The following DIS3L2 variants were observed in gnomAD, a reference collection of about 807,000 sequenced individuals.
DIS3L2 encodes the protein DIS3 like 3'-5' exoribonuclease 2, also known as DIS3-like exonuclease 2.
In DIS3L2, 34 loss-of-function variants were observed where a neutral mutation model predicts 97.5. That is an observed-to-expected ratio of 0.35 (90% CI 0.27 to 0.46). The LOEUF (loss-of-function observed/expected upper bound fraction) is 0.46. Ranked by LOEUF, DIS3L2 falls within the 20% of genes least tolerant of loss-of-function variation. DIS3L2 has a pLI of 1.00. For missense variants in DIS3L2, 1,038 were observed against 1,146.0 expected (o/e 0.91, Z 1.36); for synonymous variants, 435 against 445.2 (o/e 0.98, Z 0.29).
chr2:232,002,634 A>G (rs143271349), intron 1 of DIS3L2, among the ~76,000 whole-genome samples: 1 of 152,136 alleles, frequency 6.6e-6, no homozygotes, highest in African/African-American at 2.4e-5. Context: ...GGTTTGTTTT[A>G]TGTTGCTTTT....
At chr2:231,962,660 C>T (rs1330120789) in intron 1 of DIS3L2, among the ~76,000 whole-genome samples, 4 of 152,090 alleles carry the variant, frequency 2.6e-5, no homozygotes, top group Admixed American at 6.6e-5. Context: ...TGGTCTCGAT[C>T]TCTTGACCTC....
chr2:232,335,897 G>A (rs778268556), intron 20 of DIS3L2, 23 bp downstream of exon 20: 6 of 1,549,838 alleles, frequency 3.9e-6, no homozygotes, highest in East Asian at 4.9e-5. Context: ...CTGTGTCCCA[G>A]CCCCCTAAGT....
At chr2:232,005,414 T>C (rs967941272) in intron 1 of DIS3L2, among the ~76,000 whole-genome samples, 1 of 152,166 alleles carries the variant, frequency 6.6e-6, no homozygotes, top group Non-Finnish European at 1.5e-5. Flanking sequence ...TTCAGCTCTC[T>C]CCTCTTTTAG....
At chr2:232,007,845 C>T (rs2106211874) in intron 1 of DIS3L2, among the ~76,000 whole-genome samples, 1 of 152,184 alleles carries the variant, frequency 6.6e-6, no homozygotes, top group Middle Eastern at 3.4e-3. Flanking sequence ...GGAATACTGT[C>T]ATAACAGAAT....
chr2:232,311,004 G>T (rs902916662), intron 14 of DIS3L2, among the ~76,000 whole-genome samples: 1 of 152,254 alleles, frequency 6.6e-6, no homozygotes, highest in Non-Finnish European at 1.5e-5. Context: ...ACCAGGGAGG[G>T]ACAGAGTCTG....
At chr2:232,282,392 A>T (rs1041519843) in intron 13 of DIS3L2, among the ~76,000 whole-genome samples, 4 of 152,144 alleles carry the variant, frequency 2.6e-5, no homozygotes, top group Non-Finnish European at 5.9e-5. Flanking sequence ...CTTTCAATAA[A>T]TCATGAAGGA....
Position 231,976,703 on chromosome 2 carries a change from C to G in DIS3L2, c.-94+14938C>G, listed in dbSNP as rs1003947193. On this transcript the variant is annotated intron_variant, in intron 1 of 20. Transcript: ENST00000325385. ...AACATCATAGCTTAGCTTAGCTTAC[C>G]TTAAATGTGTTCAGAACACTTATGT... is the stretch of plus-strand genomic sequence containing the variant. Among the ~76,000 whole-genome samples the G allele has an allele frequency of 2.6e-5, 4 of 151,040 alleles. No homozygotes were observed. In the South Asian group the frequency reaches 8.3e-4, roughly 31 times the overall value.
intron 17 of DIS3L2, 42 bp from the exon 18 acceptor site, chr2:232,334,327 C>T (rs1245126762): frequency 1.9e-6 from 3 of 1,601,090 alleles, no homozygotes; most frequent in South Asian, 2.2e-5. Flanking sequence ...CTCTTCCCAG[C>T]CCCCCAGGCT....
At chr2:232,143,916 A>G (rs532739701) in intron 8 of DIS3L2, among the ~76,000 whole-genome samples, 23 of 152,246 alleles carry the variant, frequency 1.5e-4, no homozygotes, top group Admixed American at 3.9e-4. Context: ...CCATATTTAT[A>G]ACCCTAAATG....
At chr2:232,248,465 C>CAGGT (rs1559174027) in intron 11 of DIS3L2, among the ~76,000 whole-genome samples, 1 of 152,016 alleles carries the variant, frequency 6.6e-6, no homozygotes, top group African/African-American at 2.4e-5. Context: ...TCAGGAGATA[C>CAGGT]AGAGATATTC....
intron 1 of DIS3L2, among the ~76,000 whole-genome samples, chr2:232,007,876 G>A (rs965986963): frequency 6.6e-6 from 1 of 152,200 alleles, no homozygotes; most frequent in East Asian, 1.9e-4. Flanking sequence ...TTTTCTGGAA[G>A]AGTTGTAAAG....
chr2:232,094,881 T>G (rs892520163), intron 6 of DIS3L2, among the ~76,000 whole-genome samples: 1 of 152,168 alleles, frequency 6.6e-6, no homozygotes, highest in Non-Finnish European at 1.5e-5. Flanking sequence ...TCTTGCTGAA[T>G]TGACCCCTTT....
chr2:232,224,659 T>TA (rs1692592706), intron 10 of DIS3L2, among the ~76,000 whole-genome samples: 1 of 151,794 alleles, frequency 6.6e-6, no homozygotes, highest in South Asian at 2.1e-4. Context: ...GTCAACATGG[T>TA]AAAAACCTCT....
chr2:232,222,898 G>A (rs1206276873), intron 10 of DIS3L2, among the ~76,000 whole-genome samples: 1 of 152,238 alleles, frequency 6.6e-6, no homozygotes, highest in African/African-American at 2.4e-5. Flanking sequence ...TGGGATGCTT[G>A]CCAATGAGTT....
At chr2:232,189,836 A>G (rs1426683428) in intron 9 of DIS3L2, among the ~76,000 whole-genome samples, 1 of 152,230 alleles carries the variant, frequency 6.6e-6, no homozygotes, top group Non-Finnish European at 1.5e-5. Flanking sequence ...AAGGGCACAC[A>G]ACATCTTTAT....
chr2:232,343,351 G>A (rs763812297), exon 14 of DIS3L2: 26 of 1,555,382 alleles, frequency 1.7e-5, no homozygotes, highest in South Asian at 1.1e-4. Flanking sequence ...CCAGCAGAAC[G>A]CAGACAAGGA....
intron 5 of DIS3L2, among the ~76,000 whole-genome samples, chr2:232,055,438 C>T (rs1229780162): frequency 1.3e-5 from 2 of 152,184 alleles, no homozygotes; most frequent in Non-Finnish European, 2.9e-5. Flanking sequence ...AAAGAGTTTT[C>T]AAGACCTCAA....
chr2:232,087,768 A>G, intron 6 of DIS3L2, 47 bp downstream of exon 6: 1 of 1,404,982 alleles, frequency 7.1e-7, no homozygotes, highest in Non-Finnish European at 9.9e-7. Flanking sequence ...TACACTGATT[A>G]AGTATTGGAA....
chr2:232,331,842 C>T (rs1695745499), intron 16 of DIS3L2: 1 of 152,260 alleles, frequency 6.6e-6, no homozygotes, highest in African/African-American at 2.4e-5. Context: ...TAGCCAGAGC[C>T]CGAAAAGCCT....
Sources: allele counts gnomAD v4.1 joint callset (sites outside exome capture counted in the v4.1 genomes callset), GRCh38; gene constraint gnomAD v4.1.1; transcripts MANE v1.5; gene names NCBI Gene and HGNC (gene_info 2026-07-23, HGNC 2026-07-21).